Variants in CDHR2 observed in about 807,000 individuals in gnomAD.
CDHR2 encodes the protein cadherin-related family member 2.
A neutral mutation model predicts 138.6 loss-of-function variants in CDHR2; 104 were observed. The observed-to-expected ratio is 0.75, with a 90% CI of 0.64 to 0.88. The LOEUF (loss-of-function observed/expected upper bound fraction) is 0.88, where lower values mean the gene tolerates loss of function less well. CDHR2 is among the 40% of genes least tolerant of loss of function. The pLI, the probability that CDHR2 is intolerant of heterozygous loss-of-function variation, is 0.00. For missense variants in CDHR2, 1,624 were observed against 1,727.6 expected, an observed-to-expected ratio of 0.94 and a Z score of 1.06; for synonymous variants, 755 against 742.8, an observed-to-expected ratio of 1.02 and a Z score of -0.27.
chr5:176,577,870 G>GTT (rs1758433703), intron 14 of CDHR2, 72 bp downstream of exon 14: 4 of 1,549,894 alleles, frequency 2.6e-6, no homozygotes, highest in Middle Eastern at 1.7e-4. Context: ...GTGAGAGTGT[G>GTT]TGTGTGTGTA....
In CDHR2 at chr5:176,549,373, G is replaced by A. The variant is rs1347697518; in HGVS notation, c.-57G>A. The A allele has an allele frequency of 1.3e-5, 2 of 152,306 alleles. No individual in the cohort carries two copies. The highest frequency in any genetic ancestry group is 2.9e-5 in the Non-Finnish European group (2 of 68,100). The allele number at this position is 152,306 out of a possible 1,614,324, so 9.4% of individuals were successfully genotyped here. A position where few individuals can be genotyped will look rare whatever the true frequency, so the allele number is the denominator to read the frequency against. On this transcript the variant is annotated 5_prime_UTR_variant, in exon 1 of 32. Transcript: ENST00000261944. Reference sequence around the variant, plus strand: ...GGTGCCCACCTGTGTGCCAGCGCCTGTCCGGCGCCTGCCTGCCGCCTCCGT... The same window carrying A: ...GGTGCCCACCTGTGTGCCAGCGCCTATCCGGCGCCTGCCTGCCGCCTCCGT...
At chr5:176,559,083 G>A (rs760936387) in intron 1 of CDHR2, among the ~76,000 whole-genome samples, 28 of 152,112 alleles carry the variant, frequency 1.8e-4, no homozygotes, top group Non-Finnish European at 2.8e-4. Flanking sequence ...ATAACATGGC[G>A]GCCTCAGGGT....
rs1581123350 is a variant in CDHR2 at position 176,543,504 on chromosome 5, G to A, written c.-16+735G>A. The A allele has an allele frequency of 6.6e-6, 1 of 152,102 alleles. No homozygotes were observed. Among genetic ancestry groups the A allele is most frequent in the African/African-American group, 2.4e-5 (1 of 41,424 alleles). The allele number at this position is 152,102 out of a possible 1,614,324, so 9.4% of individuals were successfully genotyped here. A position where few individuals can be genotyped will look rare whatever the true frequency, so the allele number is the denominator to read the frequency against. On this transcript the variant is annotated intron_variant, in intron 1 of 31. Transcript: ENST00000510636. This position sits in a 1 kb window ranked among gnomAD's most constrained non-coding sequence, Gnocchi z 4.0. ...GCTGCCTGGACCGCACCACGCGTGCGGGGCGGAGCCTCTTTCGGCCGCGCC... is the reference window on the plus strand; with the variant it reads ...GCTGCCTGGACCGCACCACGCGTGCAGGGCGGAGCCTCTTTCGGCCGCGCC...
At chr5:176,561,135 G>A (rs1757957937) in intron 1 of CDHR2, among the ~76,000 whole-genome samples, 1 of 152,194 alleles carries the variant, frequency 6.6e-6, no homozygotes, top group African/African-American at 2.4e-5. Flanking sequence ...CATTTATTAT[G>A]TACTTACTGT....
rs1757656053 is a variant in CDHR2 at position 176,549,415 on chromosome 5, GT to G, written c.-16+2del. The G allele has an allele frequency of 6.6e-6, 1 of 152,290 alleles. No homozygotes were observed. The highest frequency in any genetic ancestry group is 2.4e-5 in the African/African-American group (1 of 41,442). 9.4% of individuals were successfully genotyped at this position (152,290 alleles called of 1,614,324 possible). On this transcript the variant is annotated splice_donor_variant, in intron 1 of 31. Transcript: ENST00000261944. LOFTEE classifies it low-confidence loss of function (5UTR_SPLICE). ...CGCCTCCGTGGCGAAGGGGACACAG[GT>G]AGGGACTATCCAGCTCATCGGGGGT...
intron 1 of CDHR2, among the ~76,000 whole-genome samples, chr5:176,557,856 C>T (rs1013460940): frequency 1.2e-4 from 18 of 151,584 alleles, no homozygotes; most frequent in Admixed American, 9.2e-4. Context: ...TACAGGAGCC[C>T]GCCACCATGC....
At chr5:176,577,607 C>T in intron 13 of CDHR2, 30 bp from the exon 14 acceptor site, 1 of 1,613,954 alleles carries the variant, frequency 6.2e-7, no homozygotes, top group Non-Finnish European at 8.5e-7. Context: ...ACTTGGGCCC[C>T]ACAGCTGCTG....
intron 1 of CDHR2, among the ~76,000 whole-genome samples, chr5:176,557,941 C>T (rs1757877851): frequency 6.6e-6 from 1 of 150,958 alleles, no homozygotes; most frequent in Admixed American, 6.6e-5. Context: ...CTCCAGACCG[C>T]GTGATCCACC....
intron 6 of CDHR2, 36 bp from the exon 7 acceptor site, chr5:176,574,047 G>T: frequency 2.0e-6 from 3 of 1,522,230 alleles, no homozygotes; most frequent in Non-Finnish European, 1.8e-6. Context: ...GGAGGAGCTG[G>T]ATTTGAGCTC....
chr5:176,571,637 C>T (rs1758234244), intron 6 of CDHR2, among the ~76,000 whole-genome samples: 1 of 152,072 alleles, frequency 6.6e-6, no homozygotes, highest in Admixed American at 6.5e-5. Flanking sequence ...CCTGGGTTCA[C>T]ACCATTCTCC....
chr5:176,590,775 C>A, intron 28 of CDHR2, 88 bp downstream of exon 28: 1 of 1,568,096 alleles, frequency 6.4e-7, no homozygotes, highest in South Asian at 1.1e-5. Flanking sequence ...GGAGCTGGGG[C>A]TTAGGCACAG....
At chr5:176,578,145 C>A in intron 15 of CDHR2, 50 bp downstream of exon 15, 1 of 1,528,754 alleles carries the variant, frequency 6.5e-7, no homozygotes, top group Non-Finnish European at 9.0e-7. Context: ...GGGCCCAGGC[C>A]CACCTCTCTG....
At chr5:176,588,282 CAGTGTG>C (rs1758718287) in intron 21 of CDHR2, among the ~76,000 whole-genome samples, 1 of 150,404 alleles carries the variant, frequency 6.6e-6, no homozygotes, top group Non-Finnish European at 1.5e-5. Context: ...ATGTGTGTGA[CAGTGTG>C]TGGGTATGTA....
At chr5:176,544,358 TTTTC>T (rs998418993), upstream of CDHR2, among the ~76,000 whole-genome samples, 9 of 118,196 alleles carry the variant, frequency 7.6e-5, no homozygotes, top group African/African-American at 2.8e-4. Flanking sequence ...TTTTCTTTTC[TTTTC>T]TTTCTTTCTT....
chr5:176,561,819 T>C (rs964654212), intron 1 of CDHR2, among the ~76,000 whole-genome samples: 9 of 152,052 alleles, frequency 5.9e-5, no homozygotes, highest in African/African-American at 2.2e-4. Context: ...TTTGTATTTT[T>C]AGTAGAGATG....
rs200829751 is a variant in CDHR2, at chr5:176,584,715, T to C, written c.2434T>C (p.Ser812Pro). Residue 812 changes from serine to proline, a missense_variant, in exon 19 of 32, where the codon TCA becomes CCA. Transcript: ENST00000261944. ...NDNPPTLDVASLRGIRVAENG... is the reference protein window; with the variant it reads ...NDNPPTLDVAPLRGIRVAENG... ...CAATCCCCCCACCCTGGATGTAGCC[T>C]CACTCCGGGGCATCCGTGTGGCTGA... 10 of 1,614,180 alleles carry C rather than the reference T, an allele frequency of 6.2e-6. No individual in the cohort carries two copies. In the South Asian group the frequency reaches 1.1e-4, roughly 18 times the overall value.
rs748321882 is a variant in CDHR2 at position 176,575,569 on chromosome 5, T to C, written c.832T>C (p.Tyr278His). Residue 278 changes from tyrosine to histidine, a missense_variant, in exon 10 of 32, where the codon TAC becomes CAC. Around this residue, in one of 3 missense-constraint regions of CDHR2, gnomAD observed 1,061 missense variants for 1,136.6 expected, o/e 0.93. Coordinates refer to ENST00000261944, the MANE Select transcript of CDHR2 (RefSeq NM_017675.6). ...GDKGINDPVIYSISYSTRPGW... is the reference protein window; with the variant it reads ...GDKGINDPVIHSISYSTRPGW... ...CAAAGGCATCAATGACCCTGTGATC[T>C]ACAGCATCTCCTGTGAGAACGGGGT... The C allele has an allele frequency of 6.2e-7, 1 of 1,614,000 alleles. No individual in the cohort carries two copies. The highest frequency in any genetic ancestry group is 8.5e-7 in the Non-Finnish European group (1 of 1,179,970).
chr5:176,575,276 G>A lies in CDHR2; in HGVS notation c.622-4G>A, dbSNP rs746271492. The stretch of plus-strand genomic sequence containing the variant: ...CTGGCTCACGGGTGGCCATCTCCCC[G>A]CAGGACTTGGGCGGCATGTACCACA... On this transcript the variant is annotated splice_polypyrimidine_tract_variant and splice_region_variant and intron_variant, in intron 8 of 31. Transcript: ENST00000261944. The A allele has an allele frequency of 1.5e-5, 25 of 1,614,068 alleles. No individual in the cohort carries two copies. The East Asian group carries it at 2.9e-4, about 19-fold the overall frequency.
intron 1 of CDHR2, among the ~76,000 whole-genome samples, chr5:176,563,589 G>A (rs187011558): frequency 6.6e-6 from 1 of 152,158 alleles, no homozygotes; most frequent in East Asian, 1.9e-4. Context: ...TTTATAATTT[G>A]GCATCTTATT....
Sources: gnomAD v4.1 joint callset for allele counts (sites outside exome capture counted in the v4.1 genomes callset) on GRCh38, gnomAD v4.1.1 for gene constraint, gnomAD v4.1.1 regional missense constraint, Gnocchi (gnomAD v3.1) non-coding constraint, MANE v1.5 for transcripts, NCBI Gene and HGNC (gene_info 2026-07-23, HGNC 2026-07-21) for gene names.